The following PCDHA8 variants were observed in gnomAD, a reference collection of about 807,000 sequenced individuals.
The protein encoded by PCDHA8 is protocadherin alpha 8, also known as protocadherin alpha-8.
PCDHA8 carries 53 observed loss-of-function variants against 61.8 expected under a neutral mutation model. That is an observed-to-expected ratio of 0.86 (90% CI 0.69 to 1.08). PCDHA8 has a LOEUF of 1.08. PCDHA8 is among the 50% of genes least tolerant of loss of function. PCDHA8 has a pLI of 0.00. For synonymous variants in PCDHA8, 618 were observed against 556.6 expected, an observed-to-expected ratio of 1.11 and a Z score of -1.55; for missense variants, 1,293 against 1,245.0, an observed-to-expected ratio of 1.04 and a Z score of -0.58.
intron 3 of PCDHA8, among the ~76,000 whole-genome samples, chr5:141,005,547 C>A (rs2098220537): frequency 6.6e-6 from 1 of 150,736 alleles, no homozygotes; most frequent in South Asian, 2.1e-4. Flanking sequence ...ACTAAAAATA[C>A]AAAAATTAGC....
intron 1 of PCDHA8, chr5:140,856,826 G>A (rs370105926): frequency 3.8e-6 from 6 of 1,592,454 alleles, no homozygotes; most frequent in Non-Finnish European, 4.3e-6. Flanking sequence ...CCAAACATTA[G>A]TAATACGGCT....
At position 140,857,921 on chromosome 5, in the gene PCDHA8, C is replaced by A. The variant is rs1554150855; in HGVS notation, c.2394+14206C>A. On this transcript the variant is annotated intron_variant, in intron 1 of 3. Coordinates refer to ENST00000531613, the MANE Select transcript of PCDHA8 (RefSeq NM_018911.3). ...TGCACGCATCCCGTTTCGCGTGGGG[C>A]TGTACACGGGCGAGATCAGTACGAC... 4 of 1,597,628 alleles carry A rather than the reference C, an allele frequency of 2.5e-6. No homozygotes were observed. The Admixed American group carries it at 6.7e-5, about 27-fold the overall frequency.
At chr5:140,962,673 C>T (rs1409804701) in intron 1 of PCDHA8, among the ~76,000 whole-genome samples, 2 of 152,164 alleles carry the variant, frequency 1.3e-5, no homozygotes, top group African/African-American at 4.8e-5. Flanking sequence ...TTCCCATCCA[C>T]TGGATGTTTT....
chr5:140,991,719 A>T (rs1451245400), intron 3 of PCDHA8, among the ~76,000 whole-genome samples: 1 of 152,194 alleles, frequency 6.6e-6, no homozygotes, highest in African/African-American at 2.4e-5. Flanking sequence ...TGCTACTAGC[A>T]GCCTGTTCAA....
At chr5:140,971,630 C>A (rs1281130153) in intron 1 of PCDHA8, among the ~76,000 whole-genome samples, 1 of 151,972 alleles carries the variant, frequency 6.6e-6, no homozygotes, top group Non-Finnish European at 1.5e-5. Context: ...ACAATTAGTA[C>A]CATGTGCCTA....
chr5:140,851,181 A>G, intron 1 of PCDHA8: 2 of 1,246,750 alleles, frequency 1.6e-6, no homozygotes, highest in Middle Eastern at 6.4e-4. Flanking sequence ...ACACTTGAAA[A>G]CCAATTTAGT....
chr5:140,876,165 C>A, intron 1 of PCDHA8: 3 of 1,613,944 alleles, frequency 1.9e-6, no homozygotes, highest in Non-Finnish European at 2.5e-6. Flanking sequence ...TTCAAATAAC[C>A]GTCCTGGATG....
rs1172235906 is a variant in PCDHA8, at chr5:140,871,551, C to T, written c.2394+27836C>T. 10 of 1,494,576 alleles carry T rather than the reference C, an allele frequency of 6.7e-6. No homozygotes were observed. The Admixed American group carries it at 2.5e-4, about 38-fold the overall frequency. 92.6% of individuals were successfully genotyped at this position (1,494,576 alleles called of 1,614,324 possible). ...AGTGTATGTGAAATTATTTAAAATC[C>T]AGTTTTTTTTCACGGATTTTTTAAG... On this transcript the variant is annotated intron_variant, in intron 1 of 3. Transcript: ENST00000531613.
chr5:140,862,608 A>G (rs565248341), intron 1 of PCDHA8: 1 of 519,626 alleles, frequency 1.9e-6, no homozygotes, highest in East Asian at 5.2e-5. Flanking sequence ...TGTTCGTGAA[A>G]GGTAACAACC....
chr5:140,926,884 A>G, intron 1 of PCDHA8: 7 of 1,542,402 alleles, frequency 4.5e-6, no homozygotes, highest in Non-Finnish European at 6.1e-6. Flanking sequence ...GTGGACGCCT[A>G]GAGGGAGGAT....
intron 1 of PCDHA8, among the ~76,000 whole-genome samples, chr5:140,880,163 AGAAGTTAAACAT>A (rs2058253523): frequency 6.6e-6 from 1 of 152,260 alleles, no homozygotes; most frequent in Admixed American, 6.5e-5. Flanking sequence ...AGTATATGTT[AGAAGTTAAACAT>A]GAAGGGAAAA....
intron 1 of PCDHA8, among the ~76,000 whole-genome samples, chr5:140,904,653 A>AGT (rs2071298480): frequency 6.6e-6 from 1 of 152,104 alleles, no homozygotes; most frequent in Non-Finnish European, 1.5e-5. Context: ...TGTTTTCCAT[A>AGT]GTGGTTGTAC....
At chr5:141,000,410 TATATATATATA>T (rs1554257433) in intron 3 of PCDHA8, among the ~76,000 whole-genome samples, 1 of 101,972 alleles carries the variant, frequency 9.8e-6, no homozygotes, top group Non-Finnish European at 2.0e-5. Context: ...TATATATATA[TATATATATATA>T]TTTTTTTTTT....
chr5:140,896,092 TG>T (rs2065379013), intron 1 of PCDHA8, among the ~76,000 whole-genome samples: 1 of 152,194 alleles, frequency 6.6e-6, no homozygotes, highest in Non-Finnish European at 1.5e-5. Context: ...ATTACAGGCG[TG>T]AGCCACTGTG....
At chr5:140,937,739 C>T (rs1563162684) in intron 1 of PCDHA8, among the ~76,000 whole-genome samples, 1 of 151,716 alleles carries the variant, frequency 6.6e-6, no homozygotes, top group African/African-American at 2.4e-5. Context: ...GGTGAAACCC[C>T]GTCTCTACTA....
At chr5:140,855,950 C>G (rs1468443604) in intron 1 of PCDHA8, 1 of 1,363,922 alleles carries the variant, frequency 7.3e-7, no homozygotes, top group Non-Finnish European at 1.0e-6. Flanking sequence ...TCAGCCATTT[C>G]GATAAAAAAT....
intron 1 of PCDHA8, among the ~76,000 whole-genome samples, chr5:140,934,198 A>G (rs918942390): frequency 3.7e-4 from 57 of 152,134 alleles, no homozygotes; most frequent in African/African-American, 1.3e-3. Context: ...TTTCATTTCT[A>G]TTTCCTCACA....
rs782371814 is a variant in PCDHA8 at position 140,882,829 on chromosome 5, G to A, written c.2394+39114G>A. On this transcript the variant is annotated intron_variant, in intron 1 of 3. Transcript: ENST00000531613. Reference sequence around the variant, plus strand: ...CTTTGGACGCACAAAACAGTCTTGAGCAAATGTCTTCATTATCACTTGTAC... The same window carrying A: ...CTTTGGACGCACAAAACAGTCTTGAACAAATGTCTTCATTATCACTTGTAC... The A allele has an allele frequency of 5.6e-6, 9 of 1,614,206 alleles. No homozygotes were observed. The South Asian group carries it at 8.8e-5, about 16-fold the overall frequency.
At chr5:140,875,130 C>T (rs2055283720) in intron 1 of PCDHA8, among the ~76,000 whole-genome samples, 1 of 151,894 alleles carries the variant, frequency 6.6e-6, no homozygotes, top group Admixed American at 6.6e-5. Context: ...TAACTAAACC[C>T]GCATTTATAA....
Sources: gnomAD v4.1 joint callset for allele counts (sites outside exome capture counted in the v4.1 genomes callset) on GRCh38, gnomAD v4.1.1 for gene constraint, MANE v1.5 for transcripts, NCBI Gene and HGNC (gene_info 2026-07-23, HGNC 2026-07-21) for gene names.